The following CSMD3 variants were observed in gnomAD, a reference collection of about 807,000 sequenced individuals.
CSMD3 encodes CUB and Sushi multiple domains 3, also known as CUB and sushi domain-containing protein 3.
Under a neutral mutation model 435.2 loss-of-function variants are expected in CSMD3, and 177 were observed. That is an observed-to-expected ratio of 0.41 (90% CI 0.36 to 0.46). The LOEUF is 0.46. CSMD3 is among the 20% of genes least tolerant of loss of function. The probability of loss-of-function intolerance (pLI) is 0.34; values close to 1 mark genes in which losing one functional copy is unlikely to be tolerated. For missense variants in CSMD3, 4,265 were observed against 4,504.6 expected, an observed-to-expected ratio of 0.95 and a Z score of 1.52; for synonymous variants, 1,656 against 1,520.5, an observed-to-expected ratio of 1.09 and a Z score of -2.07.
At chr8:112,324,126 A>G (rs1823270594) in intron 45 of CSMD3, among the ~76,000 whole-genome samples, 1 of 152,046 alleles carries the variant, frequency 6.6e-6, no homozygotes, top group East Asian at 1.9e-4. Flanking sequence ...TAGATAAAGC[A>G]AGATCATTAC....
intron 3 of CSMD3, among the ~76,000 whole-genome samples, chr8:113,213,207 C>T (rs949855781): frequency 6.6e-6 from 1 of 152,086 alleles, no homozygotes; most frequent in Non-Finnish European, 1.5e-5. Context: ...ATTTCATGTG[C>T]ACTTTCCCTC....
At chr8:112,499,223 C>T (rs975360583) in intron 30 of CSMD3, among the ~76,000 whole-genome samples, 1 of 151,594 alleles carries the variant, frequency 6.6e-6, no homozygotes, top group Admixed American at 6.6e-5. Context: ...AAGAAAAAGG[C>T]TAATAAGTAT....
chr8:112,624,121 T>C (rs1260003454), intron 22 of CSMD3, among the ~76,000 whole-genome samples: 1 of 152,096 alleles, frequency 6.6e-6, no homozygotes, highest in Non-Finnish European at 1.5e-5. Context: ...AAGAAAAGAA[T>C]AATTTTAATG....
intron 13 of CSMD3, among the ~76,000 whole-genome samples, chr8:112,736,391 C>T (rs1292526982): frequency 6.6e-6 from 1 of 152,048 alleles, no homozygotes; most frequent in Non-Finnish European, 1.5e-5. Context: ...CCTTGACAGG[C>T]TTTCTCAGAA....
intron 32 of CSMD3, among the ~76,000 whole-genome samples, chr8:112,437,026 T>C (rs1044610206): frequency 6.6e-6 from 1 of 152,042 alleles, no homozygotes; most frequent in East Asian, 1.9e-4. Context: ...GGGTTCTTAT[T>C]TGAGCACAGC....
intron 13 of CSMD3, among the ~76,000 whole-genome samples, chr8:112,734,198 A>G (rs1482436138): frequency 6.6e-6 from 1 of 151,842 alleles, no homozygotes; most frequent in Non-Finnish European, 1.5e-5. Flanking sequence ...TTAAAAATAT[A>G]TATATACATC....
At chr8:112,719,336 A>T (rs1587068870) in intron 13 of CSMD3, among the ~76,000 whole-genome samples, 2 of 152,176 alleles carry the variant, frequency 1.3e-5, no homozygotes, top group Non-Finnish European at 2.9e-5. Context: ...GCAAGGAAAG[A>T]AAGAGTAGGT....
At chr8:112,720,637 A>C (rs2076837549) in intron 13 of CSMD3, among the ~76,000 whole-genome samples, 1 of 152,182 alleles carries the variant, frequency 6.6e-6, no homozygotes, top group Non-Finnish European at 1.5e-5. Flanking sequence ...ACCGCAGCAT[A>C]GTACCTATCC....
At chr8:113,169,258 C>A (rs1322887951) in intron 4 of CSMD3, among the ~76,000 whole-genome samples, 1 of 152,068 alleles carries the variant, frequency 6.6e-6, no homozygotes, top group Non-Finnish European at 1.5e-5. Context: ...TTTTCTTTGT[C>A]AAAGGCAACA....
chr8:113,255,793 TAA>T (rs1419465120), intron 3 of CSMD3, among the ~76,000 whole-genome samples: 5 of 151,882 alleles, frequency 3.3e-5, no homozygotes, highest in Admixed American at 6.6e-5. Context: ...TGTTTGTCTC[TAA>T]GTGTATTTCC....
intron 1 of CSMD3, among the ~76,000 whole-genome samples, chr8:113,417,762 A>G (rs1244551094): frequency 6.6e-6 from 1 of 152,086 alleles, no homozygotes; most frequent in East Asian, 1.9e-4. Flanking sequence ...ATTCTAAGAC[A>G]GATTTTAAAA....
intron 27 of CSMD3, among the ~76,000 whole-genome samples, chr8:112,549,528 T>C (rs1827488249): frequency 6.6e-6 from 1 of 152,026 alleles, no homozygotes; most frequent in Admixed American, 6.6e-5. Context: ...GCCAAGACAA[T>C]TGTTTAACTG....
chr8:112,378,310 T>C (rs1161885916), intron 38 of CSMD3, among the ~76,000 whole-genome samples: 1 of 150,262 alleles, frequency 6.7e-6, no homozygotes, highest in Non-Finnish European at 1.5e-5. Flanking sequence ...GATCCAAAAA[T>C]CTCACTGCCG....
intron 10 of CSMD3, among the ~76,000 whole-genome samples, chr8:112,890,616 C>G (rs763325559): frequency 3.3e-5 from 5 of 151,666 alleles, no homozygotes; most frequent in Non-Finnish European, 5.9e-5. Flanking sequence ...AAACTCCATG[C>G]CCTCTTTCAA....
chr8:112,269,292 T>A (rs552973853), intron 59 of CSMD3, among the ~76,000 whole-genome samples: 42 of 152,178 alleles, frequency 2.8e-4, no homozygotes, highest in Non-Finnish European at 5.6e-4. Context: ...AAAAATTCAG[T>A]CAGGGGCATT....
At chr8:113,254,061 T>A (rs571593309) in intron 3 of CSMD3, among the ~76,000 whole-genome samples, 3 of 152,132 alleles carry the variant, frequency 2.0e-5, no homozygotes, top group African/African-American at 7.2e-5. Context: ...AACATCCAAA[T>A]TGACATCACT....
intron 9 of CSMD3, among the ~76,000 whole-genome samples, chr8:112,925,768 A>G (rs1395230474): frequency 6.6e-6 from 1 of 152,200 alleles, no homozygotes; most frequent in Non-Finnish European, 1.5e-5. Context: ...AGCTTATAAG[A>G]TGCCATCTAA....
intron 3 of CSMD3, among the ~76,000 whole-genome samples, chr8:113,176,835 C>T (rs2092353378): frequency 6.6e-6 from 1 of 151,468 alleles, no homozygotes; most frequent in South Asian, 2.1e-4. Context: ...GTGCAGCAAA[C>T]CATCATGGCA....
chr8:112,831,192 A>C (rs2216891), intron 11 of CSMD3, among the ~76,000 whole-genome samples: 46,760 of 152,038 alleles, frequency 0.31, 7,537 homozygotes, highest in African/African-American at 0.36. Flanking sequence ...GTGTATAAAG[A>C]CTTTGAACTA....
Sources: gnomAD v4.1 joint callset for allele counts (sites outside exome capture counted in the v4.1 genomes callset) on GRCh38, gnomAD v4.1.1 for gene constraint, MANE v1.5 for transcripts, NCBI Gene and HGNC (gene_info 2026-07-23, HGNC 2026-07-21) for gene names.